Variants in GLMN observed in about 807,000 individuals in gnomAD.
The protein encoded by GLMN is glomulin, FKBP associated protein.
GLMN carries 75 observed loss-of-function variants against 87.8 expected under a neutral mutation model. That is an observed-to-expected ratio of 0.85 (90% CI 0.71 to 1.04). GLMN has a LOEUF of 1.04. Ranked by LOEUF, GLMN falls within the 50% of genes least tolerant of loss-of-function variation. The pLI is 0.00. For synonymous variants in GLMN, 206 were observed against 221.6 expected (o/e 0.93, Z 0.63); for missense variants, 588 against 658.8 (o/e 0.89, Z 1.18).
At chr1:92,320,474 T>C in the GLMN span, 1 of 631,542 alleles carries the variant, frequency 1.6e-6, no homozygotes, top group Non-Finnish European at 2.9e-6. Context: ...GGTTTCACCA[T>C]GTTGGCCAGG....
At chr1:92,284,991 T>C (rs1299666334) in intron 7 of GLMN, among the ~76,000 whole-genome samples, 1 of 152,064 alleles carries the variant, frequency 6.6e-6, no homozygotes, top group Non-Finnish European at 1.5e-5. Context: ...TGTGGAGAAA[T>C]AGGAACGCTT....
chr1:92,333,262 T>A, the GLMN span: 1 of 662,714 alleles, frequency 1.5e-6, no homozygotes, highest in Admixed American at 2.8e-5. Flanking sequence ...AATCTAATTC[T>A]CAAGTCTAGT....
At chr1:92,336,067 A>G in the GLMN span, among the ~76,000 whole-genome samples, 1 of 152,074 alleles carries the variant, frequency 6.6e-6, no homozygotes, top group African/African-American at 2.4e-5. Context: ...TTTGAAAATA[A>G]ACAGGTAAGT....
rs200403545 is a variant in GLMN, at chr1:92,271,468, A to G, written c.920T>C (p.Leu307Ser). The G allele has an allele frequency of 1.9e-6, 3 of 1,609,524 alleles. No individual in the cohort carries two copies. In the East Asian group the frequency reaches 6.7e-5, roughly 36 times the overall value. Reference sequence around the variant, plus strand: ...TAAACCAAACACTAACTCTTACCTTAAGACCATTGGAAGCTGATCAATATG... The same window carrying G: ...TAAACCAAACACTAACTCTTACCTTGAGACCATTGGAAGCTGATCAATATG... Reference protein sequence around the residue: ...GIHIDQLPMVLSPLYLLQFNM... With the variant: ...GIHIDQLPMVSSPLYLLQFNM... The change falls in exon 8 of 19, where the codon TTA becomes TCA. Residue 307 changes from leucine (L) to serine (S), a missense_variant. Transcript: ENST00000370360.
chr1:92,324,717 T>A, the GLMN span, among the ~76,000 whole-genome samples: 1 of 152,222 alleles, frequency 6.6e-6, no homozygotes, highest in Non-Finnish European at 1.5e-5. Context: ...TCTTTCAGAT[T>A]TTTACATGGG....
chr1:92,270,004 T>C (rs895714060), intron 8 of GLMN, among the ~76,000 whole-genome samples: 4 of 152,152 alleles, frequency 2.6e-5, no homozygotes, highest in African/African-American at 4.8e-5. Context: ...GTTGTCCTTA[T>C]GTAAAAGGAA....
intron 5 of GLMN, among the ~76,000 whole-genome samples, chr1:92,289,757 T>C (rs528391759): frequency 6.6e-6 from 1 of 152,298 alleles, no homozygotes; most frequent in Admixed American, 6.5e-5. Flanking sequence ...CATTCTTCAG[T>C]AGTAGCTTTG....
chr1:92,356,969 G>C, the GLMN span, among the ~76,000 whole-genome samples: 5 of 151,886 alleles, frequency 3.3e-5, no homozygotes, highest in Non-Finnish European at 5.9e-5. Flanking sequence ...AGGATGCTGA[G>C]ACAGGAGAAT....
At chr1:92,361,056 T>G in the GLMN span, among the ~76,000 whole-genome samples, 1 of 151,032 alleles carries the variant, frequency 6.6e-6, no homozygotes, top group Non-Finnish European at 1.5e-5. Context: ...CATAAACATG[T>G]AATTTACCAA....
At chr1:92,370,531 A>T in the GLMN span, among the ~76,000 whole-genome samples, 4 of 152,234 alleles carry the variant, frequency 2.6e-5, no homozygotes, top group Non-Finnish European at 4.4e-5. Flanking sequence ...TAGATTATAT[A>T]TGAGAAACAG....
chr1:92,250,095 C>T (rs1653261062), intron 16 of GLMN, among the ~76,000 whole-genome samples: 1 of 151,934 alleles, frequency 6.6e-6, no homozygotes, highest in South Asian at 2.1e-4. Context: ...TGATGACTCT[C>T]TGTTACCCAC....
chr1:92,317,828 T>C, the GLMN span, among the ~76,000 whole-genome samples: 1 of 152,222 alleles, frequency 6.6e-6, no homozygotes, highest in South Asian at 2.1e-4. Context: ...GCAGGAGATG[T>C]TGCATAAAGC....
chr1:92,264,103 A>C (rs3122328), intron 14 of GLMN, among the ~76,000 whole-genome samples: 152,012 of 152,302 alleles, frequency 1, 75,864 homozygotes, highest in Non-Finnish European at 1. Context: ...ATCACTTGAG[A>C]TCAGGAGTTC....
At chr1:92,247,187 T>C in intron 17 of GLMN, 43 bp from the exon 18 acceptor site, 1 of 918,124 alleles carries the variant, frequency 1.1e-6, no homozygotes, top group Non-Finnish European at 1.8e-6. Context: ...AACTCTCAGA[T>C]TTCAATAACA....
At chr1:92,333,823 G>C in the GLMN span, among the ~76,000 whole-genome samples, 204 of 152,288 alleles carry the variant, frequency 1.3e-3, no homozygotes, top group Non-Finnish European at 2.1e-3. Flanking sequence ...AGCAGTTTCA[G>C]ATGCAAATAA....
chr1:92,345,978 C>A, the GLMN span: 1 of 1,115,208 alleles, frequency 9.0e-7, no homozygotes, highest in Non-Finnish European at 1.3e-6. Flanking sequence ...TAGGGAAAAA[C>A]AAAGTGATCC....
the GLMN span, chr1:92,336,368 T>C: frequency 6.2e-7 from 1 of 1,609,788 alleles, no homozygotes; most frequent in Non-Finnish European, 8.5e-7. Context: ...TTCTGGTTCC[T>C]CTTCAGATTA....
chr1:92,322,978 ATATT>A, the GLMN span, among the ~76,000 whole-genome samples: 1 of 147,364 alleles, frequency 6.8e-6, no homozygotes. Flanking sequence ...GTACAAGTAT[ATATT>A]ATATATGTAA....
At chr1:92,336,458 A>T in the GLMN span, 10 of 1,431,332 alleles carry the variant, frequency 7.0e-6, no homozygotes, top group Non-Finnish European at 9.8e-6. Flanking sequence ...TATCCTTCTC[A>T]ATTATTTTGA....
Sources: allele counts gnomAD v4.1 joint callset (sites outside exome capture counted in the v4.1 genomes callset), GRCh38; gene constraint gnomAD v4.1.1; transcripts MANE v1.5; gene names NCBI Gene and HGNC (gene_info 2026-07-23, HGNC 2026-07-21).